Variants in ARSB observed in about 807,000 individuals in gnomAD.
The protein encoded by ARSB is N-acetylgalactosamine-4-sulfatase.
A neutral mutation model predicts 50.9 loss-of-function variants in ARSB; 41 were observed. The observed-to-expected ratio is 0.81, with a 90% CI of 0.63 to 1.04. The LOEUF (loss-of-function observed/expected upper bound fraction) is 1.04. Ranked by LOEUF, ARSB falls within the 50% of genes least tolerant of loss-of-function variation. The pLI, the probability that ARSB is intolerant of heterozygous loss-of-function variation, is 0.00. For synonymous variants in ARSB, 269 were observed against 284.8 expected (o/e 0.94, Z 0.56); for missense variants, 672 against 693.3 (o/e 0.97, Z 0.35).
rs778605075 is a variant in ARSB, at chr5:78,969,017, T to A, written c.488A>T (p.Asp163Val). 3.1e-6 allele frequency: 5 copies of A among 1,614,068 alleles called. No homozygotes were observed. The African/African-American group carries it at 4.0e-5, about 13-fold the overall frequency. Residue 163 changes from aspartate to valine, a missense_variant, in exon 2 of 8, where the codon GAT becomes GTT. Asp to Val is a radical substitution (Grantham distance 152). Transcript: ENST00000264914. Reference sequence around the variant, plus strand: ...TGCATTTCCATTACCAAAGTAGGTATCAAATCCTCGGCGGGTTGGAAGGCA... The same window carrying A: ...TGCATTTCCATTACCAAAGTAGGTAACAAATCCTCGGCGGGTTGGAAGGCA... Reference protein sequence around the residue: ...KECLPTRRGFDTYFGYLLGSE... With the variant: ...KECLPTRRGFVTYFGYLLGSE...
chr5:78,918,505 A>G (rs1191155612), intron 4 of ARSB, among the ~76,000 whole-genome samples: 2 of 152,116 alleles, frequency 1.3e-5, no homozygotes, highest in Non-Finnish European at 2.9e-5. Context: ...AACAACTGAC[A>G]TTAGTCTCAT....
intron 4 of ARSB, among the ~76,000 whole-genome samples, chr5:78,901,595 TA>T (rs35632995): frequency 6.6e-6 from 1 of 151,576 alleles, no homozygotes; most frequent in Non-Finnish European, 1.5e-5. Context: ...ATATCTACGT[TA>T]AAAAAAACAA....
chr5:78,827,544 C>T (rs1744488616), intron 6 of ARSB, among the ~76,000 whole-genome samples: 1 of 152,186 alleles, frequency 6.6e-6, no homozygotes, highest in African/African-American at 2.4e-5. Flanking sequence ...TATTCTAACA[C>T]TTTGCTGAGA....
intron 1 of ARSB, among the ~76,000 whole-genome samples, chr5:78,972,925 A>AGCATTTTT (rs1752521350): frequency 6.6e-6 from 1 of 152,230 alleles, no homozygotes. Flanking sequence ...TATTTGACAG[A>AGCATTTTT]GCATTTTTAT....
At chr5:78,917,821 T>C (rs1447993647) in intron 4 of ARSB, among the ~76,000 whole-genome samples, 1 of 152,168 alleles carries the variant, frequency 6.6e-6, no homozygotes, top group African/African-American at 2.4e-5. Context: ...CCTGCAGTTA[T>C]GTTTAAAGGT....
At chr5:78,954,616 T>G (rs1751634782) in intron 4 of ARSB, among the ~76,000 whole-genome samples, 1 of 152,196 alleles carries the variant, frequency 6.6e-6, no homozygotes, top group South Asian at 2.1e-4. Context: ...GCAGTTCTCC[T>G]GTCTCAGCCT....
chr5:78,853,840 T>A (rs199676150), intron 5 of ARSB, among the ~76,000 whole-genome samples: 1 of 152,230 alleles, frequency 6.6e-6, no homozygotes. Context: ...AGCGAAACTC[T>A]GTGGGCATAG....
At chr5:78,901,040 G>A (rs991093891) in intron 4 of ARSB, among the ~76,000 whole-genome samples, 5 of 93,856 alleles carry the variant, frequency 5.3e-5, no homozygotes, top group Admixed American at 2.9e-4. Context: ...GCAAGACTCC[G>A]TCTCAGGAAA....
intron 4 of ARSB, among the ~76,000 whole-genome samples, chr5:78,892,452 C>T (rs1024128976): frequency 1.3e-5 from 2 of 151,980 alleles, no homozygotes; most frequent in Non-Finnish European, 1.5e-5. Context: ...GACAGGGTTT[C>T]GCCTTGTCGG....
chr5:78,985,106 AC>A lies in ARSB; in HGVS notation c.142del (p.Val48SerfsTer8). The A allele has an allele frequency of 1.3e-6, 2 of 1,513,440 alleles. No homozygotes were observed. The highest frequency in any genetic ancestry group is 2.5e-5 in the South Asian group (2 of 80,026). The allele number at this position is 1,513,440 out of a possible 1,614,324, so 93.8% of individuals were successfully genotyped here. On this transcript the variant is annotated frameshift_variant, in exon 1 of 8. Coordinates refer to ENST00000264914, the MANE Select transcript of ARSB (RefSeq NM_000046.5). LOFTEE classifies it high-confidence loss of function. ...GCCTAGGTCGTCTGCCAGCAAGAAG[AC>A]CAGGTGGGGCGGCCGGCTGGCCCCG... ...GAGASRPPHL[V>X]FLLADDLGWN...
chr5:78,866,199 C>T lies in ARSB; in HGVS notation c.1142+19385G>A, dbSNP rs188623411. Among the ~76,000 whole-genome samples the T allele has an allele frequency of 1.6e-4, 25 of 152,336 alleles. No individual in the cohort carries two copies. In the East Asian group the frequency reaches 4.2e-3, roughly 26 times the overall value. On this transcript the variant is annotated intron_variant, in intron 5 of 7. Coordinates refer to ENST00000264914, the MANE Select transcript of ARSB (RefSeq NM_000046.5). Reference sequence around the variant, plus strand: ...AAAGAAAGAGGTTTATTTGGACTTACAGTTTCACTTGGCTGGGGAGGCCTC... The same window carrying T: ...AAAGAAAGAGGTTTATTTGGACTTATAGTTTCACTTGGCTGGGGAGGCCTC...
intron 6 of ARSB, among the ~76,000 whole-genome samples, chr5:78,783,982 A>G (rs1474349171): frequency 6.6e-6 from 1 of 152,050 alleles, no homozygotes; most frequent in Non-Finnish European, 1.5e-5. Flanking sequence ...AGATGTTAAC[A>G]TTTTACCATG....
intron 1 of ARSB, among the ~76,000 whole-genome samples, chr5:78,970,591 C>A (rs1289624280): frequency 6.6e-6 from 1 of 152,008 alleles, no homozygotes; most frequent in African/African-American, 2.4e-5. Flanking sequence ...GTGATCATTG[C>A]CATGAGGAAA....
intron 4 of ARSB, among the ~76,000 whole-genome samples, chr5:78,901,036 C>G (rs529661609): frequency 3.8e-5 from 5 of 131,964 alleles, no homozygotes; most frequent in African/African-American, 1.1e-4. Flanking sequence ...CAGAGCAAGA[C>G]TCCGTCTCAG....
At chr5:78,803,841 G>A (rs568959122) in intron 6 of ARSB, among the ~76,000 whole-genome samples, 1 of 152,346 alleles carries the variant, frequency 6.6e-6, no homozygotes, top group African/African-American at 2.4e-5. Context: ...GCTAGGAACT[G>A]GTTTTATCCC....
At chr5:78,923,169 G>T (rs1749904519) in intron 4 of ARSB, among the ~76,000 whole-genome samples, 1 of 152,240 alleles carries the variant, frequency 6.6e-6, no homozygotes. Context: ...CAAGTTGGCT[G>T]ACCACCGCCA....
At chr5:78,874,991 T>C (rs1183631000) in intron 5 of ARSB, among the ~76,000 whole-genome samples, 1 of 152,112 alleles carries the variant, frequency 6.6e-6, no homozygotes, top group Non-Finnish European at 1.5e-5. Context: ...TACATGCCTG[T>C]AGTGCCAGCT....
At chr5:78,970,652 G>A (rs1180671983) in intron 1 of ARSB, among the ~76,000 whole-genome samples, 1 of 152,058 alleles carries the variant, frequency 6.6e-6, no homozygotes, top group African/African-American at 2.4e-5. Flanking sequence ...GTGATAGAGT[G>A]GCAAAAGAAA....
At chr5:78,827,399 C>T (rs6863008) in intron 6 of ARSB, among the ~76,000 whole-genome samples, 58,813 of 151,824 alleles carry the variant, frequency 0.39, 11,773 homozygotes, top group African/African-American at 0.47. Flanking sequence ...TTAGTAAAGA[C>T]GGGGTTTTGC....
Sources: gnomAD v4.1 joint callset for allele counts (sites outside exome capture counted in the v4.1 genomes callset) on GRCh38, gnomAD v4.1.1 for gene constraint, MANE v1.5 for transcripts, NCBI Gene and HGNC (gene_info 2026-07-23, HGNC 2026-07-21) for gene names.